Variants in ZNF500 observed in about 807,000 individuals in gnomAD.
ZNF500 encodes the protein zinc finger protein 500, also known as zinc finger protein with KRAB and SCAN domains 18.
In ZNF500, 31 loss-of-function variants were observed where a neutral mutation model predicts 30.1. That is an observed-to-expected ratio of 1.03 (90% CI 0.77 to 1.39). ZNF500 has a LOEUF of 1.39. Among genes scored for constraint, ZNF500 ranks in the 40% most tolerant of loss-of-function variants. ZNF500 has a pLI of 0.00. For missense variants in ZNF500, 817 were observed against 657.8 expected, an observed-to-expected ratio of 1.24 and a Z score of -2.65; for synonymous variants, 392 against 282.0, an observed-to-expected ratio of 1.39 and a Z score of -3.91.
At chr16:4,766,405 C>G (rs992952538) in intron 1 of ZNF500, among the ~76,000 whole-genome samples, 2 of 152,164 alleles carry the variant, frequency 1.3e-5, no homozygotes, top group African/African-American at 4.8e-5. Flanking sequence ...GGGCAGATCA[C>G]GTGAGTTCAG....
Position 4,765,774 on chromosome 16 carries a change from T to A in ZNF500, c.205A>T (p.Ser69Cys), listed in dbSNP as rs775566270. 6.8e-6 allele frequency: 11 copies of A among 1,612,900 alleles called. No individual in the cohort carries two copies. In the South Asian group the frequency reaches 1.2e-4, roughly 18 times the overall value. Residue 69 changes from serine (S) to cysteine (C), a missense_variant, in exon 2 of 6, where the codon AGC (serine) becomes TGC (cysteine). Coordinates refer to ENST00000219478, the MANE Select transcript of ZNF500 (RefSeq NM_021646.4). ...CGGCAGCACAGCTCCCAGAGGCGGC[T>A]CAGGGCCTCCCGGGGCCCAGCCACC... Reference protein sequence around the residue: ...QEVAGPREALSRLWELCCRWL... With the variant: ...QEVAGPREALCRLWELCCRWL...
intron 2 of ZNF500, chr16:4,763,585 C>A (rs780902924): frequency 1.0e-6 from 1 of 985,256 alleles, no homozygotes; most frequent in Non-Finnish European, 1.2e-6. Flanking sequence ...CCATCTCAGG[C>A]TTCCTCTTAT....
In ZNF500 at chr16:4,766,060, G is replaced by A. The variant is rs544020333; in HGVS notation, c.-82C>T. The stretch of plus-strand genomic sequence containing the variant: ...ATACCTCTGGCCAGACACAGGAAGA[G>A]AGTTTTTTTCAGGGCCCTGTGGAGA... On this transcript the variant is annotated 5_prime_UTR_variant, in exon 2 of 6. Coordinates refer to ENST00000219478, the MANE Select transcript of ZNF500 (RefSeq NM_021646.4). 3 of 1,472,864 alleles carry A rather than the reference G, an allele frequency of 2.0e-6. No homozygotes were observed. The highest frequency in any genetic ancestry group is 1.4e-5 in the African/African-American group (1 of 71,128). The allele number at this position is 1,472,864 out of a possible 1,614,324, so 91.2% of individuals were successfully genotyped here. A position where few individuals can be genotyped will look rare whatever the true frequency, so the allele number is the denominator to read the frequency against.
chr16:4,746,314 G>C, downstream of ZNF500: 1 of 1,529,956 alleles, frequency 6.5e-7, no homozygotes, highest in Non-Finnish European at 8.9e-7. Flanking sequence ...GACAAACCCA[G>C]CGCAGGTCAC....
chr16:4,759,333 C>T (rs62036066), intron 5 of ZNF500, among the ~76,000 whole-genome samples: 15,507 of 147,736 alleles, frequency 0.1, 1,002 homozygotes, highest in Admixed American at 0.19. Context: ...AACAGCATGG[C>T]GGCTCCTCAA....
chr16:4,766,133 T>TTTTAATGATAC, intron 1 of ZNF500, 57 bp from the exon 2 acceptor site: 1 of 897,966 alleles, frequency 1.1e-6, no homozygotes, highest in South Asian at 2.5e-5. Context: ...ATAAGCCCTT[T>TTTTAATGATAC]GGCCTGGGAA....
intron 5 of ZNF500, among the ~76,000 whole-genome samples, chr16:4,755,157 C>T (rs529267526): frequency 3.3e-5 from 5 of 152,164 alleles, no homozygotes; most frequent in Admixed American, 2.6e-4. Flanking sequence ...TATTTCTTTA[C>T]AGCAATGCGA....
rs1402949537 is a variant in ZNF500, at chr16:4,762,533, C to T, written c.598+40G>A. Reference sequence around the variant, plus strand: ...ACCCCAGTCACCTTCACCTCCCTCCCCTGCACCACTTCTCATTCCTCCAAA... The same window carrying T: ...ACCCCAGTCACCTTCACCTCCCTCCTCTGCACCACTTCTCATTCCTCCAAA... On this transcript the variant is annotated intron_variant, in intron 3 of 5. Coordinates refer to ENST00000219478, the MANE Select transcript of ZNF500 (RefSeq NM_021646.4). The T allele has an allele frequency of 2.5e-6, 4 of 1,579,188 alleles. No individual in the cohort carries two copies. The African/African-American group carries it at 4.0e-5, about 16-fold the overall frequency.
At position 4,749,228 on chromosome 16, in the gene ZNF500, C is replaced by T. The variant is rs60957905; in HGVS notation, c.*3148G>A. ...GCCAGAACCGGGCTCTGCCCCCATA[C>T]GCTGCCCTCGCAGCCTGGCGGCCTC... On this transcript the variant is annotated 3_prime_UTR_variant, in exon 6 of 6. Transcript: ENST00000219478. 2,089 of 154,614 alleles carry T rather than the reference C, an allele frequency of 0.014. 52 individuals are homozygous for T. The highest frequency in any genetic ancestry group is 0.048 in the African/African-American group (1,981 of 41,664). 9.6% of individuals were successfully genotyped at this position (154,614 alleles called of 1,614,324 possible).
Position 4,765,861 on chromosome 16 carries a change from C to T in ZNF500, c.118G>A (p.Glu40Lys). The part of the protein sequence containing the change: ...DFCLEEEPSV[E>K]TEDPSPETFR... ...GTCTCAGGGCTGGGGTCCTCCGTCT[C>T]CACGGAGGGCTCCTCTTCCAAGCAG... Residue 40 changes from glutamate to lysine, a missense_variant, in exon 2 of 6, where the codon GAG becomes AAG. Transcript: ENST00000219478. 6.2e-7 allele frequency: 1 copy of T among 1,613,772 alleles called. No homozygotes were observed.
At chr16:4,745,693 A>G (rs2082005832), downstream of ZNF500, among the ~76,000 whole-genome samples, 1 of 152,298 alleles carries the variant, frequency 6.6e-6, no homozygotes, top group African/African-American at 2.4e-5. Context: ...GCTCATGCCT[A>G]TAATCCCGGC....
In ZNF500 at chr16:4,765,647, C is replaced by G; in HGVS notation, c.332G>C (p.Arg111Pro). ...CTCACCGCTCTCCGGCTGCTGCTCG[C>G]GTACCCGAGCCTGGATCTCCCCCGG... The part of the protein sequence containing the change: ...VLPGEIQARV[R>P]EQQPESGEEA... Residue 111 changes from arginine to proline, a missense_variant, in exon 2 of 6, where the codon CGC (arginine) becomes CCC (proline). Physicochemically the swap from Arg to Pro is moderately radical, Grantham distance 103 (BLOSUM62 -2). Transcript: ENST00000219478. 6.2e-7 allele frequency: 1 copy of G among 1,613,512 alleles called. No homozygotes were observed. Among genetic ancestry groups the G allele is most frequent in the Non-Finnish European group, 8.5e-7 (1 of 1,179,956 alleles).
chr16:4,745,278 C>T (rs773535910), downstream of ZNF500, among the ~76,000 whole-genome samples: 1 of 152,194 alleles, frequency 6.6e-6, no homozygotes, highest in Non-Finnish European at 1.5e-5. Flanking sequence ...CCAACGGGAA[C>T]CCTCCTTTCA....
chr16:4,762,220 G>A (rs1236002076), intron 4 of ZNF500, 51 bp downstream of exon 4: 3 of 1,585,592 alleles, frequency 1.9e-6, no homozygotes, highest in East Asian at 4.6e-5. Flanking sequence ...GTGACACACA[G>A]GAGGTCGGGC....
In ZNF500 at chr16:4,762,759, G is replaced by A; in HGVS notation, c.415-3C>T. The A allele has an allele frequency of 6.3e-7, 1 of 1,592,278 alleles. No individual in the cohort carries two copies. Among genetic ancestry groups the A allele is most frequent in the South Asian group, 1.1e-5 (1 of 88,958 alleles). ...TCATCAGAAAGCAGCTCTGAGCCCTGCACACAGACAGTGATCTCCCCACCA... is the reference window on the plus strand; with the variant it reads ...TCATCAGAAAGCAGCTCTGAGCCCTACACACAGACAGTGATCTCCCCACCA... On this transcript the variant is annotated splice_region_variant and splice_polypyrimidine_tract_variant and intron_variant, in intron 2 of 5. Transcript: ENST00000219478.
intron 5 of ZNF500, 122 bp from the exon 6 acceptor site, chr16:4,753,180 G>T: frequency 7.0e-7 from 1 of 1,424,570 alleles, no homozygotes; most frequent in Non-Finnish European, 9.1e-7. Flanking sequence ...TTTAGCAGGG[G>T]CTGGGCACTG....
intron 4 of ZNF500, among the ~76,000 whole-genome samples, chr16:4,761,901 C>A (rs951279427): frequency 6.6e-5 from 10 of 151,880 alleles, no homozygotes; most frequent in Admixed American, 1.3e-4. Flanking sequence ...CCCAAAAAAA[C>A]CAGCAAGCAA....
At chr16:4,764,984 G>A (rs1042558766) in intron 2 of ZNF500, among the ~76,000 whole-genome samples, 2 of 151,886 alleles carry the variant, frequency 1.3e-5, no homozygotes, top group Admixed American at 6.6e-5. Context: ...GCCTTGGAAG[G>A]TGCCGGACCT....
rs1490731163 is a variant in ZNF500, at chr16:4,751,387, G to T, written c.*989C>A. On this transcript the variant is annotated 3_prime_UTR_variant, in exon 6 of 6. Coordinates refer to ENST00000219478, the MANE Select transcript of ZNF500 (RefSeq NM_021646.4). ...AAACGCAGCCCTGGGCCCCGGCCCT[G>T]GGGAGATGTCAGGCCCGTCACATCC... The T allele has an allele frequency of 3.4e-6, 2 of 588,278 alleles. No homozygotes were observed. The highest frequency in any genetic ancestry group is 3.8e-5 in the African/African-American group (2 of 52,672). The allele number at this position is 588,278 out of a possible 1,614,324, so 36.4% of individuals were successfully genotyped here.
Sources: allele counts gnomAD v4.1 joint callset (sites outside exome capture counted in the v4.1 genomes callset), GRCh38; gene constraint gnomAD v4.1.1; transcripts MANE v1.5; gene names NCBI Gene and HGNC (gene_info 2026-07-23, HGNC 2026-07-21).